STK3: variants seen among roughly 807,000 people sequenced by gnomAD.
STK3 encodes the protein serine/threonine-protein kinase 3.
In STK3, 41 loss-of-function variants were observed where a neutral mutation model predicts 58.0. The ratio of observed to expected loss-of-function variants is 0.71; its 90% CI spans 0.55 to 0.92. The LOEUF is 0.92. STK3 is among the 40% of genes least tolerant of loss of function. STK3 has a pLI of 0.00. For synonymous variants in STK3, 170 were observed against 191.0 expected (o/e 0.89, Z 0.91); for missense variants, 479 against 602.7 (o/e 0.79, Z 2.15).
Position 98,523,406 on chromosome 8 carries a change from G to C in STK3, c.1317+3336C>G, listed in dbSNP as rs189950918. 9.2e-3 allele frequency among the ~76,000 whole-genome samples: 1,289 copies of C among 139,548 alleles called. 12 individuals carry two copies. Among genetic ancestry groups the C allele is most frequent in the Non-Finnish European group, 0.012 (761 of 65,930 alleles). 91.5% of individuals were successfully genotyped at this position (139,548 alleles called of 152,430 possible). A position where few individuals can be genotyped will look rare whatever the true frequency, so the allele number is the denominator to read the frequency against. ...TTTTTTTTTTTTGAGACAGAGTCTC[G>C]CTCTGTCACCCAGGCTGGAGTGCAA... is the stretch of plus-strand genomic sequence containing the variant. On this transcript the variant is annotated intron_variant, in intron 10 of 10. Transcript: ENST00000419617.
chr8:98,693,435 A>G (rs1332033878), intron 6 of STK3, among the ~76,000 whole-genome samples: 1 of 152,156 alleles, frequency 6.6e-6, no homozygotes, highest in Non-Finnish European at 1.5e-5. Flanking sequence ...ACTCAGAGGA[A>G]AATGCAATAT....
intron 3 of STK3, among the ~76,000 whole-genome samples, chr8:98,426,068 G>C (rs544987380): frequency 1.2e-4 from 19 of 152,242 alleles, no homozygotes; most frequent in African/African-American, 4.6e-4. Flanking sequence ...TCTGGGCCAC[G>C]AGTCTTCTTA....
At chr8:98,643,062 A>T (rs1820142017) in intron 6 of STK3, among the ~76,000 whole-genome samples, 1 of 152,014 alleles carries the variant, frequency 6.6e-6, no homozygotes, top group African/African-American at 2.4e-5. Flanking sequence ...CACCTCTACA[A>T]AAATATTTAA....
intron 1 of STK3, among the ~76,000 whole-genome samples, chr8:98,444,739 T>C (rs1235704115): frequency 6.6e-6 from 1 of 152,158 alleles, no homozygotes; most frequent in Non-Finnish European, 1.5e-5. Context: ...ACATTAAAAA[T>C]GCAGATGTGA....
chr8:98,711,672 A>T (rs1273381008), intron 4 of STK3, among the ~76,000 whole-genome samples: 1 of 152,220 alleles, frequency 6.6e-6, no homozygotes. Context: ...TGTACCTGAA[A>T]GTGATGGGGA....
chr8:98,677,014 T>C (rs1281959041), intron 6 of STK3, among the ~76,000 whole-genome samples: 1 of 152,202 alleles, frequency 6.6e-6, no homozygotes, highest in Admixed American at 6.5e-5. Context: ...GGCAACCATA[T>C]AAAATGCTTG....
intron 6 of STK3, among the ~76,000 whole-genome samples, chr8:98,664,611 A>C (rs1241085660): frequency 6.6e-6 from 1 of 152,228 alleles, no homozygotes; most frequent in Non-Finnish European, 1.5e-5. Flanking sequence ...ATAAAACGAC[A>C]TCTTATAAGG....
At chr8:98,533,022 T>C (rs1359960798) in intron 9 of STK3, among the ~76,000 whole-genome samples, 2 of 152,218 alleles carry the variant, frequency 1.3e-5, no homozygotes, top group African/African-American at 2.4e-5. Flanking sequence ...TGTTGTGGCA[T>C]GTGTCAGCAT....
intron 1 of STK3, among the ~76,000 whole-genome samples, chr8:98,381,032 G>A (rs534792699): frequency 3.1e-4 from 39 of 123,906 alleles, no homozygotes; most frequent in African/African-American, 1.1e-3. Context: ...GTGCAATGGC[G>A]CAATCTCGGC....
chr8:98,366,022 G>T, the STK3 span, among the ~76,000 whole-genome samples: 7 of 152,040 alleles, frequency 4.6e-5, no homozygotes, highest in Admixed American at 4.6e-4. Context: ...ATATAACCTA[G>T]AAGAGGAGAG....
chr8:98,933,285 T>G lies in STK3; in HGVS notation c.-79+9093A>C, dbSNP rs1004487516. ...CCTAAAAAAGCGAAATACATTTGTA[T>G]GTGGGGAGTTGATAAAAGAAAATAC... On this transcript the variant is annotated intron_variant, in intron 1 of 1. Coordinates refer to the STK3 transcript ENST00000519420. Among the ~76,000 whole-genome samples the G allele has an allele frequency of 9.2e-5, 14 of 152,320 alleles. No individual in the cohort carries two copies. In the East Asian group the frequency reaches 9.6e-4, roughly 10 times the overall value.
chr8:98,492,094 T>A (rs1056509258), intron 10 of STK3, among the ~76,000 whole-genome samples: 55 of 152,198 alleles, frequency 3.6e-4, no homozygotes, highest in African/African-American at 1.3e-3. Context: ...AATCAGTACA[T>A]CATTCGTTTG....
chr8:98,739,926 G>A (rs1442360217), intron 4 of STK3, among the ~76,000 whole-genome samples: 1 of 151,708 alleles, frequency 6.6e-6, no homozygotes, highest in Non-Finnish European at 1.5e-5. Flanking sequence ...GAAAGCCAAG[G>A]CTCGAGAACT....
chr8:98,393,497 G>C (rs1421867543), intron 3 of STK3: 2 of 152,128 alleles, frequency 1.3e-5, no homozygotes, highest in African/African-American at 4.8e-5. Flanking sequence ...GTAACTTTCA[G>C]TGTAATAAGG....
chr8:98,567,142 G>C (rs921590105), intron 8 of STK3, among the ~76,000 whole-genome samples: 1 of 152,110 alleles, frequency 6.6e-6, no homozygotes, highest in African/African-American at 2.4e-5. Context: ...TTGTACTTTC[G>C]TTCCATAACC....
intron 1 of STK3, among the ~76,000 whole-genome samples, chr8:98,381,706 T>G (rs4478542): frequency 0.36 from 54,990 of 152,048 alleles, 10,521 homozygotes; most frequent in Non-Finnish European, 0.43. Context: ...GATGAGTACA[T>G]GGAGGCTAAA....
chr8:98,544,355 C>G (rs1269730296), intron 9 of STK3, among the ~76,000 whole-genome samples: 1 of 152,076 alleles, frequency 6.6e-6, no homozygotes, highest in African/African-American at 2.4e-5. Context: ...CTGTTTCCTT[C>G]CTGTACTATT....
chr8:98,825,656 G>A lies in STK3; in HGVS notation c.-116C>T, dbSNP rs1353809549. ...CCACAGAGGGAAACTCTGGGAACTC[G>A]GACCAACTTTCCCGTAACTCCGCGG... On this transcript the variant is annotated 5_prime_UTR_variant, in exon 1 of 11. Transcript: ENST00000419617. The A allele has an allele frequency of 5.9e-6, 7 of 1,195,858 alleles. No homozygotes were observed. The East Asian group carries it at 1.5e-4, about 26-fold the overall frequency. 74.1% of individuals were successfully genotyped at this position (1,195,858 alleles called of 1,614,324 possible).
intron 4 of STK3, among the ~76,000 whole-genome samples, chr8:98,747,376 G>A (rs892938481): frequency 6.6e-6 from 1 of 152,016 alleles, no homozygotes; most frequent in Non-Finnish European, 1.5e-5. Context: ...CATATTCTTA[G>A]GAAAAGATTG....
Sources: allele counts gnomAD v4.1 joint callset (sites outside exome capture counted in the v4.1 genomes callset), GRCh38; gene constraint gnomAD v4.1.1; transcripts MANE v1.5; gene names NCBI Gene and HGNC (gene_info 2026-07-23, HGNC 2026-07-21).